NKAIN2: variants seen among roughly 807,000 people sequenced by gnomAD.
NKAIN2 encodes the protein sodium/potassium-transporting ATPase subunit beta-1-interacting protein 2.
In NKAIN2, 14 loss-of-function variants were observed where a neutral mutation model predicts 32.6. That is an observed-to-expected ratio of 0.43 (90% CI 0.28 to 0.67). NKAIN2 has a LOEUF of 0.67. NKAIN2 is among the 30% of genes least tolerant of loss of function. NKAIN2 has a pLI of 0.17. For synonymous variants in NKAIN2, 80 were observed against 87.2 expected, an observed-to-expected ratio of 0.92 and a Z score of 0.46; for missense variants, 198 against 258.3, an observed-to-expected ratio of 0.77 and a Z score of 1.60.
chr6:124,778,079 C>G (rs148694526), intron 4 of NKAIN2, among the ~76,000 whole-genome samples: 1 of 151,986 alleles, frequency 6.6e-6, no homozygotes, highest in African/African-American at 2.4e-5. Flanking sequence ...CATCAAACTT[C>G]GCTTTTCTGG....
intron 1 of NKAIN2, among the ~76,000 whole-genome samples, chr6:123,838,414 A>G (rs1479522729): frequency 1.3e-5 from 2 of 152,120 alleles, no homozygotes; most frequent in East Asian, 1.9e-4. Flanking sequence ...TTGTCTCTCC[A>G]TTGCTGATCA....
At chr6:124,479,514 A>G (rs1176096317) in intron 3 of NKAIN2, among the ~76,000 whole-genome samples, 1 of 152,174 alleles carries the variant, frequency 6.6e-6, no homozygotes, top group African/African-American at 2.4e-5. Context: ...CAGCTTTCAC[A>G]TGGTAATGGG....
chr6:124,629,543 G>T (rs1783483068), intron 3 of NKAIN2, among the ~76,000 whole-genome samples: 1 of 152,148 alleles, frequency 6.6e-6, no homozygotes, highest in Non-Finnish European at 1.5e-5. Context: ...GAGAAATATT[G>T]TTGTCTCTTT....
intron 3 of NKAIN2, among the ~76,000 whole-genome samples, chr6:124,546,812 G>A (rs991884): frequency 0.47 from 71,112 of 152,058 alleles, 18,727 homozygotes; most frequent in East Asian, 0.77. Flanking sequence ...AAGTAGGCAC[G>A]GACATTGGAA....
intron 3 of NKAIN2, among the ~76,000 whole-genome samples, chr6:124,526,111 T>C (rs1032650446): frequency 1.3e-5 from 2 of 152,052 alleles, no homozygotes; most frequent in African/African-American, 4.8e-5. Context: ...ATCTTCTAGA[T>C]AGAAGAAATG....
chr6:123,833,818 C>T (rs1464862899), intron 1 of NKAIN2, among the ~76,000 whole-genome samples: 2 of 150,796 alleles, frequency 1.3e-5, no homozygotes, highest in African/African-American at 4.9e-5. Context: ...ACCTCCACTT[C>T]CCGGGTTCAA....
At chr6:123,953,294 GCC>G (rs1459219254) in intron 1 of NKAIN2, among the ~76,000 whole-genome samples, 1 of 152,078 alleles carries the variant, frequency 6.6e-6, no homozygotes, top group African/African-American at 2.4e-5. Context: ...TTCTCCTTAG[GCC>G]CCAGGGTGGC....
chr6:124,072,947 C>G (rs1048983009), intron 1 of NKAIN2, among the ~76,000 whole-genome samples: 2 of 152,104 alleles, frequency 1.3e-5, no homozygotes, highest in African/African-American at 4.8e-5. Context: ...GACTATGTCT[C>G]TATCATTTTT....
chr6:124,349,145 G>A (rs530986775), intron 2 of NKAIN2, among the ~76,000 whole-genome samples: 1 of 152,228 alleles, frequency 6.6e-6, no homozygotes, highest in Non-Finnish European at 1.5e-5. Context: ...TGGACATATT[G>A]TAGGGTGAGT....
intron 1 of NKAIN2, among the ~76,000 whole-genome samples, chr6:123,893,841 A>C (rs937640760): frequency 1.3e-5 from 2 of 152,160 alleles, no homozygotes; most frequent in African/African-American, 4.8e-5. Flanking sequence ...GAGGAGGCCT[A>C]TTTGGCCAGG....
intron 1 of NKAIN2, among the ~76,000 whole-genome samples, chr6:123,906,368 G>GGCTCA (rs76431682): frequency 1.3e-5 from 2 of 151,418 alleles, no homozygotes; most frequent in Non-Finnish European, 2.9e-5. Context: ...CTGGCTCACT[G>GGCTCA]CGGTCTCGAC....
intron 3 of NKAIN2, among the ~76,000 whole-genome samples, chr6:124,395,549 A>G (rs755050996): frequency 2.6e-5 from 4 of 152,184 alleles, no homozygotes; most frequent in African/African-American, 4.8e-5. Context: ...TGAGATACTC[A>G]TGGATGTCTC....
intron 1 of NKAIN2, among the ~76,000 whole-genome samples, chr6:123,893,509 A>G (rs1774119519): frequency 6.6e-6 from 1 of 152,168 alleles, no homozygotes; most frequent in Non-Finnish European, 1.5e-5. Context: ...TCCTAGCCTA[A>G]TATAGAATCT....
intron 3 of NKAIN2, among the ~76,000 whole-genome samples, chr6:124,379,764 A>G (rs1470694982): frequency 6.6e-6 from 1 of 152,202 alleles, no homozygotes; most frequent in African/African-American, 2.4e-5. Flanking sequence ...TCATTTGCAC[A>G]TCAGGAAAGA....
rs894578723 is a variant in NKAIN2, at chr6:124,593,062, C to T, written c.274-65124C>T. Among the ~76,000 whole-genome samples the T allele has an allele frequency of 8.8e-4, 134 of 152,250 alleles. 2 individuals carry two copies. Among genetic ancestry groups the T allele is most frequent in the Non-Finnish European group, 1.6e-4 (11 of 68,012 alleles). On this transcript the variant is annotated intron_variant, in intron 3 of 6. Coordinates refer to ENST00000368417, the MANE Select transcript of NKAIN2 (RefSeq NM_001040214.3). ...CTATTCCCTTTGCTCTTTGAAACTTCGGTTTCAATTGTAAACAAACACTTG... is the reference window on the plus strand; with the variant it reads ...CTATTCCCTTTGCTCTTTGAAACTTTGGTTTCAATTGTAAACAAACACTTG...
intron 3 of NKAIN2, among the ~76,000 whole-genome samples, chr6:124,359,106 G>T (rs1236265027): frequency 1.3e-5 from 2 of 152,018 alleles, no homozygotes; most frequent in Non-Finnish European, 2.9e-5. Context: ...TATTTCTGAG[G>T]GCCCTGTTCT....
At chr6:124,345,299 T>A (rs1798352190) in intron 2 of NKAIN2, among the ~76,000 whole-genome samples, 1 of 152,180 alleles carries the variant, frequency 6.6e-6, no homozygotes, top group East Asian at 1.9e-4. Context: ...ATTCTCTTTT[T>A]TGGTTGTGTC....
chr6:124,019,903 T>C (rs1001812447), intron 1 of NKAIN2, among the ~76,000 whole-genome samples: 7 of 152,186 alleles, frequency 4.6e-5, no homozygotes, highest in African/African-American at 1.7e-4. Flanking sequence ...AAACTTATTC[T>C]GATAAAAACA....
intron 4 of NKAIN2, among the ~76,000 whole-genome samples, chr6:124,716,650 C>G (rs1562341966): frequency 6.6e-6 from 1 of 152,138 alleles, no homozygotes; most frequent in Admixed American, 6.5e-5. Context: ...CTTGAACATG[C>G]CAAGAACACT....
Sources: allele counts gnomAD v4.1 joint callset (sites outside exome capture counted in the v4.1 genomes callset), GRCh38; gene constraint gnomAD v4.1.1; transcripts MANE v1.5; gene names NCBI Gene and HGNC (gene_info 2026-07-23, HGNC 2026-07-21).